ABCA12: variants seen among roughly 807,000 people sequenced by gnomAD.
ABCA12 encodes the protein glucosylceramide transporter ABCA12.
In ABCA12, 156 loss-of-function variants were observed where a neutral mutation model predicts 293.5. The ratio of observed to expected loss-of-function variants is 0.53; its 90% CI spans 0.47 to 0.61. The LOEUF (loss-of-function observed/expected upper bound fraction) is 0.61. Among genes scored for constraint, ABCA12 ranks in the 20% least tolerant of loss-of-function variants. The probability of loss-of-function intolerance (pLI) is 0.00; values close to 1 mark genes in which losing one functional copy is unlikely to be tolerated. For synonymous variants in ABCA12, 1,063 were observed against 1,108.0 expected, an observed-to-expected ratio of 0.96 and a Z score of 0.81; for missense variants, 2,797 against 3,090.2, an observed-to-expected ratio of 0.91 and a Z score of 2.25.
intron 39 of ABCA12, chr2:214,961,884 A>C (rs1289488838): frequency 6.6e-6 from 1 of 152,166 alleles, no homozygotes; most frequent in Non-Finnish European, 1.5e-5. Context: ...CTGTTGCTGG[A>C]ATGAGTATTG....
At chr2:215,120,255 A>T (rs913243259) in intron 1 of ABCA12, among the ~76,000 whole-genome samples, 3 of 151,992 alleles carry the variant, frequency 2.0e-5, no homozygotes, top group African/African-American at 7.2e-5. Context: ...GGAACAACAG[A>T]CTCTGCAGAG....
intron 39 of ABCA12, among the ~76,000 whole-genome samples, chr2:214,966,321 G>T (rs186696199): frequency 6.6e-6 from 1 of 152,248 alleles, no homozygotes; most frequent in African/African-American, 2.4e-5. Flanking sequence ...GTTGATATGT[G>T]CAGCAAACCA....
intron 26 of ABCA12, among the ~76,000 whole-genome samples, chr2:214,988,869 A>AT (rs955956496): frequency 1.3e-4 from 20 of 151,078 alleles, no homozygotes; most frequent in Admixed American, 4.0e-4. Flanking sequence ...GGCAAATAAG[A>AT]TTTTTTTTTA....
rs761137301 is a variant in ABCA12, at chr2:214,968,720, C to T, written c.5778G>A (p.Lys1926=). The T allele has an allele frequency of 6.2e-7, 1 of 1,612,976 alleles. No individual in the cohort carries two copies. The highest frequency in any genetic ancestry group is 8.5e-7 in the Non-Finnish European group (1 of 1,179,146). ...TGVPANRTLA[K]VWYDPEGYHS... is the part of the protein sequence containing the mutation. ...TTCCAGAAAAAAGATCAAAATTTAC[C>T]TTGGCAAGTGTTCTATTGGCAGGGA... The change falls in exon 38 of 53, where the codon AAG becomes AAA. Residue 1926 remains lysine, a splice_region_variant and synonymous_variant. Coordinates refer to ENST00000272895, the MANE Select transcript of ABCA12 (RefSeq NM_173076.3).
In ABCA12 at chr2:215,047,650, C is replaced by T. The variant is rs895946744; in HGVS notation, c.694-1635G>A. 6.4e-4 allele frequency among the ~76,000 whole-genome samples: 97 copies of T among 152,218 alleles called. 1 individual carries two copies. Among genetic ancestry groups the T allele is most frequent in the African/African-American group, 2.3e-3 (95 of 41,560 alleles). The stretch of plus-strand genomic sequence containing the variant: ...AATTAAAAAATATACACCTTGCTTA[C>T]ACCATATACAAAATTCAACTCAAGT... On this transcript the variant is annotated intron_variant, in intron 6 of 52. Coordinates refer to ENST00000272895, the MANE Select transcript of ABCA12 (RefSeq NM_173076.3).
At position 215,060,562 on chromosome 2, in the gene ABCA12, G is replaced by A. The variant is rs1020909297; in HGVS notation, c.317+3504C>T. 1.9e-4 allele frequency among the ~76,000 whole-genome samples: 29 copies of A among 152,124 alleles called. 2 individuals carry two copies. The highest frequency in any genetic ancestry group is 1.3e-3 in the Admixed American group (20 of 15,262). On this transcript the variant is annotated intron_variant, in intron 3 of 52. Transcript: ENST00000272895. ...TAATACTAAAACAAGCTAGAGGAAA[G>A]TTTAAAACTCTTAAATTCTTATTGC... is the stretch of plus-strand genomic sequence containing the variant.
intron 37 of ABCA12, among the ~76,000 whole-genome samples, chr2:214,969,452 T>C (rs923037912): frequency 6.6e-5 from 10 of 152,114 alleles, no homozygotes; most frequent in Non-Finnish European, 1.3e-4. Context: ...TAGAATAATC[T>C]TGTGACTGTC....
intron 2 of ABCA12, among the ~76,000 whole-genome samples, chr2:215,102,028 CGTGTGTGTGT>C (rs71399171): frequency 6.7e-6 from 1 of 149,988 alleles, no homozygotes; most frequent in Non-Finnish European, 1.5e-5. Context: ...TGTTTGTACA[CGTGTGTGTGT>C]GTGTGTGTGC....
intron 1 of ABCA12, among the ~76,000 whole-genome samples, chr2:215,112,938 A>G (rs933065344): frequency 4.6e-5 from 7 of 152,246 alleles, no homozygotes; most frequent in Admixed American, 2.6e-4. Flanking sequence ...CATGAAAAAC[A>G]TATTCACAAG....
chr2:215,047,853 G>A (rs1056233001), intron 6 of ABCA12, among the ~76,000 whole-genome samples: 4 of 151,918 alleles, frequency 2.6e-5, no homozygotes, highest in African/African-American at 9.7e-5. Context: ...CTTCTGCACA[G>A]CAAAGAAACC....
At chr2:214,941,818 C>T (rs1306232089) in intron 50 of ABCA12, among the ~76,000 whole-genome samples, 2 of 150,366 alleles carry the variant, frequency 1.3e-5, no homozygotes, top group African/African-American at 2.4e-5. Context: ...GGTAGCTATT[C>T]CTCCATCCCT....
chr2:214,983,545 G>C, intron 29 of ABCA12, 102 bp downstream of exon 29: 2 of 1,028,422 alleles, frequency 1.9e-6, no homozygotes, highest in South Asian at 2.6e-5. Flanking sequence ...TATTTCGTGA[G>C]AAAATATTTC....
chr2:215,046,404 T>C (rs1229737230), intron 6 of ABCA12, among the ~76,000 whole-genome samples: 2 of 149,662 alleles, frequency 1.3e-5, no homozygotes, highest in Admixed American at 6.7e-5. Flanking sequence ...CTAGGTGTTA[T>C]ATTGTTTGGA....
chr2:215,051,593 T>C, intron 5 of ABCA12, among the ~76,000 whole-genome samples: 1 of 133,114 alleles, frequency 7.5e-6, no homozygotes, highest in East Asian at 2.3e-4. Context: ...GATATAGATA[T>C]ATTATTAAAA....
intron 35 of ABCA12, 126 bp downstream of exon 35, chr2:214,974,652 A>C (rs1699468377): frequency 2.2e-6 from 2 of 899,000 alleles, no homozygotes; most frequent in Admixed American, 3.6e-5. Flanking sequence ...AAATCTGTTA[A>C]ACAGGGATTT....
rs572438448 is a variant in ABCA12, at chr2:215,122,540, G to A, written c.70-10850C>T. On this transcript the variant is annotated intron_variant, in intron 1 of 52. Coordinates refer to ENST00000272895, the MANE Select transcript of ABCA12 (RefSeq NM_173076.3). ...CTGTGAAAGGTGGTAATATGAGCAA[G>A]TTGGGGATTGCAGGAGGGTATGTCA... Among the ~76,000 whole-genome samples the A allele has an allele frequency of 2.0e-5, 3 of 152,322 alleles. No individual in the cohort carries two copies. The South Asian group carries it at 6.2e-4, about 32-fold the overall frequency.
chr2:215,035,801 A>G (rs1472657562), intron 8 of ABCA12: 1 of 152,138 alleles, frequency 6.6e-6, no homozygotes, highest in Non-Finnish European at 1.5e-5. Flanking sequence ...TTAATAAGAA[A>G]TCCTGCTTAC....
chr2:215,109,033 C>T (rs1445351902), intron 2 of ABCA12, among the ~76,000 whole-genome samples: 1 of 151,922 alleles, frequency 6.6e-6, no homozygotes, highest in Non-Finnish European at 1.5e-5. Context: ...CACCACTGTA[C>T]TCTAGCCTGG....
At chr2:215,000,264 A>G (rs748665269) in intron 22 of ABCA12, among the ~76,000 whole-genome samples, 1 of 152,212 alleles carries the variant, frequency 6.6e-6, no homozygotes, top group Non-Finnish European at 1.5e-5. Flanking sequence ...GGTTTCTTTT[A>G]TCAATTTGTT....
Sources: allele counts gnomAD v4.1 joint callset (sites outside exome capture counted in the v4.1 genomes callset), GRCh38; gene constraint gnomAD v4.1.1; transcripts MANE v1.5; gene names NCBI Gene and HGNC (gene_info 2026-07-23, HGNC 2026-07-21).